Variants in SAMD8 observed in about 807,000 individuals in gnomAD.
The protein encoded by SAMD8 is sphingomyelin synthase-related protein 1.
Under a neutral mutation model 42.0 loss-of-function variants are expected in SAMD8, and 20 were observed. That is an observed-to-expected ratio of 0.48 (90% CI 0.34 to 0.69). The LOEUF is 0.69. Among genes scored for constraint, SAMD8 ranks in the 30% least tolerant of loss-of-function variants. The probability of loss-of-function intolerance (pLI) is 0.01; values close to 1 mark genes in which losing one functional copy is unlikely to be tolerated. For missense variants in SAMD8, 328 were observed against 511.6 expected (o/e 0.64, Z 3.46); for synonymous variants, 162 against 173.0 (o/e 0.94, Z 0.50).
At chr10:75,145,077 C>T (rs974771803) in intron 1 of SAMD8, among the ~76,000 whole-genome samples, 2 of 152,086 alleles carry the variant, frequency 1.3e-5, no homozygotes, top group African/African-American at 2.4e-5. Flanking sequence ...CTTGGAGTTG[C>T]GTTAGTCTTT....
rs1840489310 is a variant in SAMD8, at chr10:75,159,031, A to C, written c.579-5614A>C. ...TGCTGCTATGAACATTCATATGCAA[A>C]GTTTTGTGTAGACAAATTTTTTTTT... On this transcript the variant is annotated intron_variant, in intron 2 of 5. Coordinates refer to ENST00000542569, the MANE Select transcript of SAMD8 (RefSeq NM_001174156.2). Among the ~76,000 whole-genome samples, 3 of 150,584 alleles carry C rather than the reference A, an allele frequency of 2.0e-5. No homozygotes were observed. In the South Asian group the frequency reaches 6.3e-4, roughly 32 times the overall value.
chr10:75,139,538 G>A (rs1839969791), intron 1 of SAMD8, among the ~76,000 whole-genome samples: 1 of 152,082 alleles, frequency 6.6e-6, no homozygotes, highest in Non-Finnish European at 1.5e-5. Flanking sequence ...CATTAGACAG[G>A]ACTCATGCAA....
intron 1 of SAMD8, among the ~76,000 whole-genome samples, chr10:75,140,305 A>G (rs1483406116): frequency 6.6e-6 from 1 of 152,174 alleles, no homozygotes; most frequent in Non-Finnish European, 1.5e-5. Flanking sequence ...GGGTTTTGCC[A>G]TATTGGCCAG....
rs1841077527 is a variant in SAMD8, at chr10:75,181,291, C to T, written c.*4599C>T. On this transcript the variant is annotated 3_prime_UTR_variant, in exon 6 of 6. Coordinates refer to ENST00000542569, the MANE Select transcript of SAMD8 (RefSeq NM_001174156.2). ...TGCTGTAGAGGAGAATTGTTAGTAA[C>T]ATCAAAGGTCAGAATGCTTCAGGTG... 6.6e-6 allele frequency: 1 copy of T among 152,166 alleles called. No homozygotes were observed. Among genetic ancestry groups the T allele is most frequent in the Non-Finnish European group, 1.5e-5 (1 of 68,030 alleles). 9.4% of individuals were successfully genotyped at this position (152,166 alleles called of 1,614,324 possible).
At chr10:75,135,123 T>C (rs2134451713) in intron 1 of SAMD8, among the ~76,000 whole-genome samples, 1 of 152,184 alleles carries the variant, frequency 6.6e-6, no homozygotes, top group East Asian at 1.9e-4. Context: ...GCTAAGTATC[T>C]TTATTTGATC....
intron 1 of SAMD8, among the ~76,000 whole-genome samples, chr10:75,132,328 T>C (rs1589945488): frequency 1.3e-5 from 2 of 152,230 alleles, no homozygotes; most frequent in African/African-American, 4.8e-5. Flanking sequence ...TAAAAGGATG[T>C]GCCTGAGATA....
In SAMD8 at chr10:75,168,677, T is replaced by C. The variant is rs1391189076; in HGVS notation, c.792+19T>C. 5 of 1,504,174 alleles carry C rather than the reference T, an allele frequency of 3.3e-6. No individual in the cohort carries two copies. In the African/African-American group the frequency reaches 6.9e-5, roughly 21 times the overall value. 93.2% of individuals were successfully genotyped at this position (1,504,174 alleles called of 1,614,324 possible). ...TGGAAAGGTAGCCTGCTACCTTCTT[T>C]ATCATTCTTGTTTTTGGTGGGTTGA... On this transcript the variant is annotated intron_variant, in intron 4 of 5. Coordinates refer to ENST00000542569, the MANE Select transcript of SAMD8 (RefSeq NM_001174156.2).
At chr10:75,139,416 TATA>T in intron 1 of SAMD8, among the ~76,000 whole-genome samples, 3 of 152,324 alleles carry the variant, frequency 2.0e-5, no homozygotes, top group African/African-American at 7.2e-5. Flanking sequence ...CAATGCCATT[TATA>T]ATAATAATAA....
At chr10:75,150,094 A>C (rs1649057426) in intron 1 of SAMD8, among the ~76,000 whole-genome samples, 1 of 148,638 alleles carries the variant, frequency 6.7e-6, no homozygotes, top group African/African-American at 2.5e-5. Context: ...CTCTCTCTCT[A>C]CATATATATA....
At chr10:75,109,131 C>T (rs751522186), upstream of SAMD8, 5 of 1,605,842 alleles carry the variant, frequency 3.1e-6, no homozygotes, top group East Asian at 6.8e-5. Flanking sequence ...CCTCTCCCCC[C>T]AGCTCTGGGA....
chr10:75,111,819 G>A (rs1848776008), intron 1 of SAMD8, 97 bp downstream of exon 1: 1 of 1,223,874 alleles, frequency 8.2e-7, no homozygotes, highest in Non-Finnish European at 1.0e-6. Flanking sequence ...GCTGCCGAGG[G>A]ACCGCGACCT....
At chr10:75,112,473 G>A (rs1848795481) in intron 1 of SAMD8, among the ~76,000 whole-genome samples, 1 of 152,192 alleles carries the variant, frequency 6.6e-6, no homozygotes, top group South Asian at 2.1e-4. Context: ...GTGCACAGTG[G>A]ATCATTTTAA....
chr10:75,150,767 T>G lies in SAMD8; in HGVS notation c.239T>G (p.Ile80Ser). 12 of 1,614,126 alleles carry G rather than the reference T, an allele frequency of 7.4e-6. No homozygotes were observed. The highest frequency in any genetic ancestry group is 1.0e-5 in the Non-Finnish European group (12 of 1,180,004). ...LSVRKLQKIH[I>S]DVLEEMGYNS... Reference sequence around the variant, plus strand: ...GTCCGAAAATTGCAGAAAATACATATTGATGTTTTAGAAGAGATGGGCTAC... The same window carrying G: ...GTCCGAAAATTGCAGAAAATACATAGTGATGTTTTAGAAGAGATGGGCTAC... Residue 80 changes from isoleucine (I) to serine (S), a missense_variant, in exon 2 of 6, where the codon ATT becomes AGT. Physicochemically the swap from Ile to Ser is moderately radical, Grantham distance 142. Coordinates refer to ENST00000542569, the MANE Select transcript of SAMD8 (RefSeq NM_001174156.2).
chr10:75,168,307 C>A, intron 3 of SAMD8: 1 of 387,210 alleles, frequency 2.6e-6, no homozygotes, highest in Non-Finnish European at 3.5e-6. Context: ...CATTTCAAGT[C>A]CGTAAGATCC....
intron 4 of SAMD8, among the ~76,000 whole-genome samples, chr10:75,171,773 C>G (rs1431426172): frequency 1.3e-5 from 2 of 152,042 alleles, no homozygotes; most frequent in African/African-American, 4.8e-5. Flanking sequence ...GCCTGTAATC[C>G]CAGCACTTTG....
chr10:75,148,346 C>CTTTTTTTTTTTGTTTTTTTT (rs1840193968), intron 1 of SAMD8, among the ~76,000 whole-genome samples: 1 of 82,564 alleles, frequency 1.2e-5, no homozygotes, highest in Admixed American at 1.6e-4. Context: ...GCAATACCAG[C>CTTTTTTTTTTTGTTTTTTTT]TTTTTTTTTT....
At chr10:75,109,243 A>T (rs887266759), upstream of SAMD8, 1 of 1,431,656 alleles carries the variant, frequency 7.0e-7, no homozygotes, top group African/African-American at 1.5e-5. Context: ...ATTGACAGGG[A>T]CAGGTGACAG....
chr10:75,155,091 T>C (rs1364499313), intron 2 of SAMD8, among the ~76,000 whole-genome samples: 2 of 152,072 alleles, frequency 1.3e-5, no homozygotes, highest in African/African-American at 4.8e-5. Context: ...GGGGTTTTGC[T>C]ATGTTGCCTA....
intron 3 of SAMD8, 41 bp from the exon 4 acceptor site, chr10:75,168,500 T>C: frequency 6.2e-7 from 1 of 1,601,182 alleles, no homozygotes. Context: ...TTTGGTTTGT[T>C]TTCTTCTGAT....
Sources: gnomAD v4.1 joint callset for allele counts (sites outside exome capture counted in the v4.1 genomes callset) on GRCh38, gnomAD v4.1.1 for gene constraint, MANE v1.5 for transcripts, NCBI Gene and HGNC (gene_info 2026-07-23, HGNC 2026-07-21) for gene names.